YTHDC2: variants seen among roughly 807,000 people sequenced by gnomAD.
YTHDC2 encodes 3'-5' RNA helicase YTHDC2.
YTHDC2 carries 45 observed loss-of-function variants against 174.9 expected under a neutral mutation model. The observed-to-expected ratio is 0.26, with a 90% CI of 0.20 to 0.33. The LOEUF (loss-of-function observed/expected upper bound fraction) is 0.33, where lower values mean the gene tolerates loss of function less well. Ranked by LOEUF, YTHDC2 falls within the 10% of genes least tolerant of loss-of-function variation. The probability of loss-of-function intolerance (pLI) is 1.00; values close to 1 mark genes in which losing one functional copy is unlikely to be tolerated. For missense variants in YTHDC2, 1,650 were observed against 1,723.7 expected, an observed-to-expected ratio of 0.96 and a Z score of 0.76; for synonymous variants, 657 against 574.5, an observed-to-expected ratio of 1.14 and a Z score of -2.05.
At chr5:113,522,772 T>G (rs1773965598) in intron 2 of YTHDC2, among the ~76,000 whole-genome samples, 1 of 152,162 alleles carries the variant, frequency 6.6e-6, no homozygotes, top group African/African-American at 2.4e-5. Context: ...TACCAAAAAT[T>G]TCATTAATCC....
intron 26 of YTHDC2, among the ~76,000 whole-genome samples, chr5:113,588,350 C>T (rs1778807425): frequency 6.6e-6 from 1 of 151,992 alleles, no homozygotes; most frequent in Admixed American, 6.6e-5. Flanking sequence ...TTATACCCCA[C>T]TTGGTCATGG....
chr5:113,530,729 T>TA (rs779334088), intron 4 of YTHDC2, among the ~76,000 whole-genome samples: 46 of 151,388 alleles, frequency 3.0e-4, no homozygotes, highest in South Asian at 4.2e-4. Context: ...AAATAAAAGT[T>TA]AAAAAAATTT....
chr5:113,549,667 C>T (rs1383838143), intron 12 of YTHDC2, among the ~76,000 whole-genome samples: 2 of 152,072 alleles, frequency 1.3e-5, no homozygotes, highest in African/African-American at 4.8e-5. Context: ...CCCAAATTTG[C>T]CGTATCTGAT....
chr5:113,575,602 CAGAA>C (rs1777992156), intron 23 of YTHDC2, among the ~76,000 whole-genome samples: 1 of 152,028 alleles, frequency 6.6e-6, no homozygotes, highest in Non-Finnish European at 1.5e-5. Flanking sequence ...TAGGAATTGA[CAGAA>C]AGGCTGTGTG....
intron 26 of YTHDC2, among the ~76,000 whole-genome samples, chr5:113,588,902 C>T (rs12514105): frequency 0.34 from 50,964 of 151,596 alleles, 11,061 homozygotes; most frequent in African/African-American, 0.6. Context: ...TGGGATTGCA[C>T]GCGTGAGCCA....
intron 4 of YTHDC2, among the ~76,000 whole-genome samples, chr5:113,531,257 A>G (rs1459573906): frequency 6.6e-6 from 1 of 152,200 alleles, no homozygotes; most frequent in African/African-American, 2.4e-5. Context: ...TGAGAGACAT[A>G]CACTGACACA....
intron 4 of YTHDC2, among the ~76,000 whole-genome samples, chr5:113,528,435 A>G (rs1340260423): frequency 6.6e-6 from 1 of 152,180 alleles, no homozygotes; most frequent in African/African-American, 2.4e-5. Context: ...GGTATTAGGA[A>G]GTTAAGTGCT....
Position 113,581,469 on chromosome 5 carries a change from G to A in YTHDC2, c.3407G>A (p.Arg1136His), listed in dbSNP as rs199521744. The A allele has an allele frequency of 2.5e-6, 4 of 1,612,936 alleles. No individual in the cohort carries two copies. Among genetic ancestry groups the A allele is most frequent in the African/African-American group, 1.3e-5 (1 of 74,964 alleles). Residue 1136 changes from arginine to histidine, a missense_variant, in exon 25 of 30, where the codon CGC (arginine) becomes CAC (histidine). Coordinates refer to ENST00000161863, the MANE Select transcript of YTHDC2 (RefSeq NM_022828.5). ...CAGAAGTGGCATAGCTTATTTTTAC[G>A]CCGAATGAGAGCTCCATCTAAACCT... The part of the protein sequence containing the change: ...LRQKWHSLFL[R>H]RMRAPSKPWS...
At chr5:113,562,763 T>C (rs2112714879) in intron 18 of YTHDC2, among the ~76,000 whole-genome samples, 1 of 152,358 alleles carries the variant, frequency 6.6e-6, no homozygotes, top group Middle Eastern at 3.4e-3. Flanking sequence ...TCAGGAAAAC[T>C]ATCTGTAACT....
intron 23 of YTHDC2, among the ~76,000 whole-genome samples, chr5:113,575,008 T>C (rs1345498008): frequency 6.6e-6 from 1 of 152,214 alleles, no homozygotes; most frequent in African/African-American, 2.4e-5. Flanking sequence ...GCTGCTCCTG[T>C]GTGGGCTGTC....
Position 113,518,393 on chromosome 5 carries a change from C to T in YTHDC2, c.278+3031C>T, listed in dbSNP as rs918936062. Among the ~76,000 whole-genome samples the T allele has an allele frequency of 8.1e-5, 12 of 147,422 alleles. No individual in the cohort carries two copies. The East Asian group carries it at 1.7e-3, about 21-fold the overall frequency. On this transcript the variant is annotated intron_variant, in intron 2 of 29. Coordinates refer to ENST00000161863, the MANE Select transcript of YTHDC2 (RefSeq NM_022828.5). ...TTTTTCTATTTTTTGTAGAGGACAG[C>T]ATCTCATTATGTTGCTCAGGATGGT...
At chr5:113,568,903 C>G (rs1777534900) in intron 23 of YTHDC2, among the ~76,000 whole-genome samples, 1 of 152,110 alleles carries the variant, frequency 6.6e-6, no homozygotes, top group African/African-American at 2.4e-5. Context: ...AATGGTATTT[C>G]TGCCTCCAGG....
At chr5:113,570,652 CTT>C (rs1193889468) in intron 23 of YTHDC2, among the ~76,000 whole-genome samples, 3 of 151,736 alleles carry the variant, frequency 2.0e-5, no homozygotes, top group Non-Finnish European at 2.9e-5. Context: ...TTTGAATACT[CTT>C]TATTTCTTTA....
At chr5:113,520,094 G>A (rs927272759) in intron 2 of YTHDC2, among the ~76,000 whole-genome samples, 1 of 151,822 alleles carries the variant, frequency 6.6e-6, no homozygotes, top group East Asian at 1.9e-4. Flanking sequence ...ATGTTCCCCC[G>A]CTATGTCCAT....
chr5:113,568,808 T>C lies in YTHDC2; in HGVS notation c.3244+959T>C, dbSNP rs148116464. ...ATTTGGGTTGATTCCATGTCTTTAC[T>C]ATTGTGAATAATGCTGCACTGAACA... On this transcript the variant is annotated intron_variant, in intron 23 of 29. Transcript: ENST00000161863. Among the ~76,000 whole-genome samples the C allele has an allele frequency of 3.3e-3, 509 of 152,322 alleles. 2 individuals are homozygous for C. The highest frequency in any genetic ancestry group is 0.012 in the African/African-American group (490 of 41,560).
At chr5:113,581,964 C>G (rs1778431185) in intron 25 of YTHDC2, 3 of 263,844 alleles carry the variant, frequency 1.1e-5, no homozygotes, top group Non-Finnish European at 2.1e-5. Flanking sequence ...AGGAAAAGGT[C>G]AAAATATCTA....
At chr5:113,564,616 A>AC (rs1224360872) in intron 20 of YTHDC2, among the ~76,000 whole-genome samples, 1 of 152,114 alleles carries the variant, frequency 6.6e-6, no homozygotes, top group Non-Finnish European at 1.5e-5. Context: ...TCACTTAAAA[A>AC]CCTTTTAAGA....
At chr5:113,575,010 TG>T (rs1164940996) in intron 23 of YTHDC2, among the ~76,000 whole-genome samples, 13 of 152,204 alleles carry the variant, frequency 8.5e-5, no homozygotes, top group Admixed American at 8.5e-4. Context: ...TGCTCCTGTG[TG>T]GGCTGTCGCC....
At chr5:113,541,847 C>T (rs946858338) in intron 9 of YTHDC2, among the ~76,000 whole-genome samples, 12 of 151,854 alleles carry the variant, frequency 7.9e-5, no homozygotes, top group African/African-American at 2.9e-4. Context: ...TATAAAAAAA[C>T]ATATAGTATA....
Sources: allele counts gnomAD v4.1 joint callset (sites outside exome capture counted in the v4.1 genomes callset), GRCh38; gene constraint gnomAD v4.1.1; transcripts MANE v1.5; gene names NCBI Gene and HGNC (gene_info 2026-07-23, HGNC 2026-07-21).